Variants in MAPKAP1 observed in about 807,000 individuals in gnomAD.
The protein encoded by MAPKAP1 is MAPK associated protein 1, also known as target of rapamycin complex 2 subunit MAPKAP1.
MAPKAP1 carries 20 observed loss-of-function variants against 65.7 expected under a neutral mutation model. The observed-to-expected ratio is 0.30, with a 90% CI of 0.21 to 0.44. The LOEUF is 0.44. Ranked by LOEUF, MAPKAP1 falls within the 20% of genes least tolerant of loss-of-function variation. The pLI, the probability that MAPKAP1 is intolerant of heterozygous loss-of-function variation, is 1.00. For missense variants in MAPKAP1, 423 were observed against 648.0 expected (o/e 0.65, Z 3.77); for synonymous variants, 222 against 244.3 (o/e 0.91, Z 0.85).
intron 9 of MAPKAP1, among the ~76,000 whole-genome samples, chr9:125,472,868 C>T (rs1853971692): frequency 6.6e-6 from 1 of 152,204 alleles, no homozygotes; most frequent in South Asian, 2.1e-4. Flanking sequence ...TATATCCTTT[C>T]CTTTTCTGTA....
intron 8 of MAPKAP1, among the ~76,000 whole-genome samples, chr9:125,502,348 G>A (rs141331414): frequency 0.051 from 7,760 of 152,018 alleles, 282 homozygotes; most frequent in Non-Finnish European, 0.073. Flanking sequence ...GTGATCCACC[G>A]GCTCGGCCTC....
intron 7 of MAPKAP1, among the ~76,000 whole-genome samples, chr9:125,538,874 C>T (rs906896778): frequency 6.6e-6 from 1 of 152,066 alleles, no homozygotes; most frequent in African/African-American, 2.4e-5. Flanking sequence ...CGTTATGGAT[C>T]GATATTTACA....
At chr9:125,631,884 C>G (rs1833294087) in intron 4 of MAPKAP1, among the ~76,000 whole-genome samples, 1 of 152,174 alleles carries the variant, frequency 6.6e-6, no homozygotes, top group Admixed American at 6.5e-5. Context: ...CCCTGATATT[C>G]TCCCATGCGA....
chr9:125,456,101 A>C (rs1006157419), intron 10 of MAPKAP1, among the ~76,000 whole-genome samples: 5 of 152,108 alleles, frequency 3.3e-5, no homozygotes, highest in Non-Finnish European at 7.3e-5. Flanking sequence ...ATTTCTAATG[A>C]GAAGTCAGCA....
chr9:125,652,561 A>G (rs1833924368), intron 4 of MAPKAP1, among the ~76,000 whole-genome samples: 1 of 152,208 alleles, frequency 6.6e-6, no homozygotes, highest in African/African-American at 2.4e-5. Context: ...ACTTTCTAAC[A>G]AGTTAACACC....
intron 1 of MAPKAP1, among the ~76,000 whole-genome samples, chr9:125,704,509 A>C (rs1835700954): frequency 6.6e-6 from 1 of 152,156 alleles, no homozygotes; most frequent in African/African-American, 2.4e-5. Flanking sequence ...AATGTCAATA[A>C]CCTCAGGATA....
intron 4 of MAPKAP1, among the ~76,000 whole-genome samples, chr9:125,626,452 T>C (rs2131674557): frequency 6.6e-6 from 1 of 152,322 alleles, no homozygotes; most frequent in South Asian, 2.1e-4. Flanking sequence ...GTTGGGTGAG[T>C]CATGCCAATG....
intron 7 of MAPKAP1, among the ~76,000 whole-genome samples, chr9:125,516,473 G>C (rs1829464795): frequency 6.6e-6 from 1 of 152,132 alleles, no homozygotes; most frequent in Admixed American, 6.5e-5. Flanking sequence ...CAGAAGAAAG[G>C]GCTACTCTAC....
chr9:125,615,929 A>G (rs1032177393), intron 4 of MAPKAP1, among the ~76,000 whole-genome samples: 1 of 151,588 alleles, frequency 6.6e-6, no homozygotes, highest in Non-Finnish European at 1.5e-5. Flanking sequence ...AAAAAAAAAA[A>G]GAAAAGAAAA....
intron 8 of MAPKAP1, among the ~76,000 whole-genome samples, chr9:125,497,114 CAG>C (rs374496219): frequency 1.3e-5 from 2 of 152,118 alleles, no homozygotes; most frequent in African/African-American, 4.8e-5. Flanking sequence ...CCTGGGGCCT[CAG>C]GGGGAAAATT....
Position 125,590,314 on chromosome 9 carries a change from G to A in MAPKAP1, c.499-4587C>T, listed in dbSNP as rs139897887. Among the ~76,000 whole-genome samples, 516 of 152,226 alleles carry A rather than the reference G, an allele frequency of 3.4e-3. 2 individuals are homozygous for A. Among genetic ancestry groups the A allele is most frequent in the African/African-American group, 5.6e-3 (233 of 41,528 alleles). ...TACAAGGTCACATGAGGCCAAGAAC[G>A]GGTACTGCAGGAACACTAATAATAC... On this transcript the variant is annotated intron_variant, in intron 4 of 11. Transcript: ENST00000265960.
At chr9:125,663,570 G>A (rs980840269) in intron 3 of MAPKAP1, among the ~76,000 whole-genome samples, 2 of 152,102 alleles carry the variant, frequency 1.3e-5, no homozygotes, top group Non-Finnish European at 2.9e-5. Flanking sequence ...TGAAGACAAG[G>A]ACTTTGTCTT....
At chr9:125,451,598 C>T (rs1852951484) in intron 10 of MAPKAP1, among the ~76,000 whole-genome samples, 1 of 152,118 alleles carries the variant, frequency 6.6e-6, no homozygotes, top group African/African-American at 2.4e-5. Context: ...TCAGCATCTC[C>T]CCTTAAATTG....
intron 3 of MAPKAP1, among the ~76,000 whole-genome samples, chr9:125,665,825 A>G (rs1834324599): frequency 1.3e-5 from 2 of 152,212 alleles, no homozygotes; most frequent in Admixed American, 6.5e-5. Context: ...AATAGAAGTT[A>G]CACAAAACTT....
intron 7 of MAPKAP1, among the ~76,000 whole-genome samples, chr9:125,521,312 A>C (rs1315349089): frequency 1.3e-5 from 2 of 152,142 alleles, no homozygotes; most frequent in African/African-American, 2.4e-5. Flanking sequence ...TTCTCCTTGA[A>C]ATCCAGATAT....
chr9:125,581,979 TCTC>T (rs1022471758), intron 5 of MAPKAP1, among the ~76,000 whole-genome samples: 78 of 152,284 alleles, frequency 5.1e-4, no homozygotes, highest in African/African-American at 1.8e-3. Context: ...TTCCCTTCCT[TCTC>T]CACTTCACAT....
At chr9:125,552,946 A>G (rs1375899974) in intron 6 of MAPKAP1, among the ~76,000 whole-genome samples, 1 of 152,206 alleles carries the variant, frequency 6.6e-6, no homozygotes, top group Non-Finnish European at 1.5e-5. Context: ...AAAAGCATAT[A>G]GAGATGTATT....
intron 4 of MAPKAP1, among the ~76,000 whole-genome samples, chr9:125,637,746 C>T (rs139157780): frequency 6.6e-6 from 1 of 152,142 alleles, no homozygotes; most frequent in Non-Finnish European, 1.5e-5. Context: ...AAGTAGCATA[C>T]CCACAATAGG....
In MAPKAP1 at chr9:125,543,051, T is replaced by C; in HGVS notation, c.958+8A>G. ...TACTACTGTGAGAATATGATTTAAC[T>C]ATCCCACCTGAAACTTTCTGGGATC... On this transcript the variant is annotated splice_region_variant and intron_variant, in intron 7 of 11. Transcript: ENST00000265960. 6.4e-7 allele frequency: 1 copy of C among 1,562,484 alleles called. No individual in the cohort carries two copies. The highest frequency in any genetic ancestry group is 8.8e-7 in the Non-Finnish European group (1 of 1,132,898).
Sources: allele counts gnomAD v4.1 joint callset (sites outside exome capture counted in the v4.1 genomes callset), GRCh38; gene constraint gnomAD v4.1.1; transcripts MANE v1.5; gene names NCBI Gene and HGNC (gene_info 2026-07-23, HGNC 2026-07-21).